The following DLG2 variants were observed in gnomAD, a reference collection of about 807,000 sequenced individuals.
DLG2 encodes disks large homolog 2.
A neutral mutation model predicts 132.5 loss-of-function variants in DLG2; 45 were observed. The ratio of observed to expected loss-of-function variants is 0.34; its 90% CI spans 0.27 to 0.44. The LOEUF (loss-of-function observed/expected upper bound fraction) is 0.44. Among genes scored for constraint, DLG2 ranks in the 20% least tolerant of loss-of-function variants. The probability of loss-of-function intolerance (pLI) is 1.00; values close to 1 mark genes in which losing one functional copy is unlikely to be tolerated. For synonymous variants in DLG2, 424 were observed against 419.6 expected (o/e 1.01, Z -0.13); for missense variants, 1,045 against 1,196.9 (o/e 0.87, Z 1.87).
chr11:83,923,164 A>G (rs2078264564), intron 15 of DLG2, among the ~76,000 whole-genome samples: 2 of 152,136 alleles, frequency 1.3e-5, no homozygotes, highest in South Asian at 4.1e-4. Context: ...AACATTTTCT[A>G]CCTGATTTGT....
chr11:85,520,868 CG>C (rs369295047), intron 3 of DLG2, among the ~76,000 whole-genome samples: 33 of 151,944 alleles, frequency 2.2e-4, no homozygotes, highest in African/African-American at 7.0e-4. Context: ...CAAATCAAAA[CG>C]GATTAAAGAC....
intron 11 of DLG2, among the ~76,000 whole-genome samples, chr11:84,002,431 C>T (rs1263087518): frequency 6.6e-6 from 1 of 152,162 alleles, no homozygotes; most frequent in African/African-American, 2.4e-5. Flanking sequence ...GAGGGCTCCT[C>T]TCCCACAGCA....
chr11:84,363,514 A>G lies in DLG2; in HGVS notation c.520-112223T>C, dbSNP rs564682120. On this transcript the variant is annotated intron_variant, in intron 7 of 27. Coordinates refer to ENST00000376104, the MANE Select transcript of DLG2 (RefSeq NM_001142699.3). ...TGCTGTGCAGAAGCTCTTTAGTTTAATTAGATCCCATTTGTCAATTTTGTC... is the reference window on the plus strand; with the variant it reads ...TGCTGTGCAGAAGCTCTTTAGTTTAGTTAGATCCCATTTGTCAATTTTGTC... Among the ~76,000 whole-genome samples, 472 of 152,000 alleles carry G rather than the reference A, an allele frequency of 3.1e-3. 1 individual carries two copies. Among genetic ancestry groups the G allele is most frequent in the African/African-American group, 0.011 (457 of 41,442 alleles).
rs762050933 is a variant in DLG2, at chr11:83,724,476, T to TGTGAGAGAGAGAGA, written c.1825+62213_1825+62214insTCTCTCTCTCTCAC. 7.2e-3 allele frequency among the ~76,000 whole-genome samples: 856 copies of TGTGAGAGAGAGAGA among 118,106 alleles called. 7 individuals carry two copies. The highest frequency in any genetic ancestry group is 0.014 in the East Asian group (52 of 3,702). 77.5% of individuals were successfully genotyped at this position (118,106 alleles called of 152,430 possible). On this transcript the variant is annotated intron_variant, in intron 18 of 27. Coordinates refer to ENST00000376104, the MANE Select transcript of DLG2 (RefSeq NM_001142699.3). Reference sequence around the variant, plus strand: ...CTCTCTCCGTGTGTGTGTGTGTGTGTGAGAGAGAGAGAGAGAGAGAGAGAG... The same window carrying TGTGAGAGAGAGAGA: ...CTCTCTCCGTGTGTGTGTGTGTGTGTGTGAGAGAGAGAGAGAGAGAGAGAGAGAGAGAGAGAGAG...
At chr11:85,514,548 A>G (rs1055080274) in intron 3 of DLG2, among the ~76,000 whole-genome samples, 28 of 151,948 alleles carry the variant, frequency 1.8e-4, no homozygotes, top group African/African-American at 6.5e-4. Context: ...TTTTTGGAAC[A>G]CTGAATACCA....
intron 17 of DLG2, among the ~76,000 whole-genome samples, chr11:83,803,082 T>C (rs2044927489): frequency 1.3e-5 from 2 of 152,174 alleles, no homozygotes; most frequent in Admixed American, 6.6e-5. Context: ...TGTAGGCAAA[T>C]TTAAAATATG....
chr11:84,287,442 C>T (rs1365534520), intron 7 of DLG2, among the ~76,000 whole-genome samples: 5 of 152,096 alleles, frequency 3.3e-5, no homozygotes, highest in African/African-American at 1.2e-4. Flanking sequence ...CTTAGGAATA[C>T]TCTTCTTTTC....
intron 10 of DLG2, among the ~76,000 whole-genome samples, chr11:84,062,255 C>G (rs1447873758): frequency 6.6e-6 from 1 of 152,284 alleles, no homozygotes; most frequent in East Asian, 1.9e-4. Flanking sequence ...ATTTGAGTCT[C>G]AGTTCTTCAT....
intron 19 of DLG2, among the ~76,000 whole-genome samples, chr11:83,611,658 A>G (rs1333410990): frequency 6.6e-6 from 1 of 152,270 alleles, no homozygotes; most frequent in Non-Finnish European, 1.5e-5. Flanking sequence ...GGAAAATTAT[A>G]GAAATTCACT....
At chr11:84,662,741 T>A (rs930227915) in intron 6 of DLG2, among the ~76,000 whole-genome samples, 8 of 133,874 alleles carry the variant, frequency 6.0e-5, no homozygotes, top group Non-Finnish European at 1.1e-4. Flanking sequence ...GAACTGAGAT[T>A]AAGCCACTGC....
chr11:84,194,874 T>C (rs1468774104), intron 8 of DLG2, among the ~76,000 whole-genome samples: 2 of 152,120 alleles, frequency 1.3e-5, no homozygotes, highest in Non-Finnish European at 2.9e-5. Flanking sequence ...CCGGCGGCGC[T>C]GGCCAGCTGC....
intron 7 of DLG2, among the ~76,000 whole-genome samples, chr11:84,323,571 T>C (rs1016725552): frequency 1.3e-5 from 2 of 152,152 alleles, no homozygotes; most frequent in African/African-American, 4.8e-5. Flanking sequence ...GTGGTATTGT[T>C]GAATTATATG....
At chr11:84,272,338 G>T in intron 7 of DLG2, 1 of 413,958 alleles carries the variant, frequency 2.4e-6, no homozygotes, top group Non-Finnish European at 4.9e-6. Context: ...TTCTATGTCA[G>T]AAATAATGTT....
At chr11:84,932,524 C>A (rs2048219412) in intron 6 of DLG2, among the ~76,000 whole-genome samples, 1 of 152,062 alleles carries the variant, frequency 6.6e-6, no homozygotes, top group Non-Finnish European at 1.5e-5. Flanking sequence ...CCCCACCACA[C>A]AACAGGCCCT....
chr11:84,517,572 GA>G (rs2099277639), intron 7 of DLG2, among the ~76,000 whole-genome samples: 1 of 151,908 alleles, frequency 6.6e-6, no homozygotes, highest in African/African-American at 2.4e-5. Flanking sequence ...CAACCATTAT[GA>G]AAAAGAGTAT....
chr11:85,287,734 T>G (rs1244692213), intron 3 of DLG2, among the ~76,000 whole-genome samples: 1 of 152,092 alleles, frequency 6.6e-6, no homozygotes, highest in East Asian at 1.9e-4. Flanking sequence ...ATTAGAAACA[T>G]TCCAATGTCC....
chr11:84,873,335 G>A (rs1264758807), intron 6 of DLG2, among the ~76,000 whole-genome samples: 2 of 152,174 alleles, frequency 1.3e-5, no homozygotes, highest in Non-Finnish European at 1.5e-5. Context: ...GAAAAGACAA[G>A]AAAACAGATT....
intron 5 of DLG2, among the ~76,000 whole-genome samples, chr11:85,148,692 T>G (rs1186176375): frequency 1.3e-5 from 2 of 152,230 alleles, no homozygotes; most frequent in African/African-American, 4.8e-5. Flanking sequence ...GCCCCCATTC[T>G]GTAGGTTGCC....
intron 3 of DLG2, among the ~76,000 whole-genome samples, chr11:85,289,116 A>G (rs966996239): frequency 6.6e-6 from 1 of 152,156 alleles, no homozygotes; most frequent in Non-Finnish European, 1.5e-5. Context: ...AGCAACTACT[A>G]GAGAGGAAGA....
Sources: gnomAD v4.1 joint callset for allele counts (sites outside exome capture counted in the v4.1 genomes callset) on GRCh38, gnomAD v4.1.1 for gene constraint, MANE v1.5 for transcripts, NCBI Gene and HGNC (gene_info 2026-07-23, HGNC 2026-07-21) for gene names.